PTPRR: variants seen among roughly 807,000 people sequenced by gnomAD.
The protein encoded by PTPRR is protein tyrosine phosphatase receptor type R.
In PTPRR, 38 loss-of-function variants were observed where a neutral mutation model predicts 77.2. That is an observed-to-expected ratio of 0.49 (90% CI 0.38 to 0.65). The LOEUF (loss-of-function observed/expected upper bound fraction) is 0.65. Among genes scored for constraint, PTPRR ranks in the 30% least tolerant of loss-of-function variants. PTPRR has a pLI of 0.00. For missense variants in PTPRR, 744 were observed against 799.2 expected (o/e 0.93, Z 0.83); for synonymous variants, 299 against 283.1 (o/e 1.06, Z -0.57).
At chr12:70,654,621 G>A (rs1236988657) in intron 13 of PTPRR, among the ~76,000 whole-genome samples, 2 of 152,190 alleles carry the variant, frequency 1.3e-5, no homozygotes, top group African/African-American at 2.4e-5. Context: ...ATCAATGCCT[G>A]TGTCCCTCTT....
chr12:70,843,404 G>A (rs1406229412), intron 2 of PTPRR, among the ~76,000 whole-genome samples: 1 of 152,098 alleles, frequency 6.6e-6, no homozygotes, highest in Non-Finnish European at 1.5e-5. Context: ...TATTTATTGT[G>A]TGCTAAGGCT....
intron 6 of PTPRR, among the ~76,000 whole-genome samples, chr12:70,708,965 A>G (rs1277459490): frequency 1.3e-5 from 2 of 152,004 alleles, no homozygotes; most frequent in Non-Finnish European, 2.9e-5. Flanking sequence ...ATTTATTTGT[A>G]AGGCCAGAAA....
intron 8 of PTPRR, among the ~76,000 whole-genome samples, chr12:70,691,735 C>T (rs907438243): frequency 3.3e-5 from 5 of 152,110 alleles, no homozygotes; most frequent in African/African-American, 1.2e-4. Context: ...TGAATGTTAG[C>T]ATATTCTGCC....
intron 2 of PTPRR, among the ~76,000 whole-genome samples, chr12:70,776,555 T>C (rs1434842017): frequency 6.6e-6 from 1 of 152,168 alleles, no homozygotes; most frequent in Non-Finnish European, 1.5e-5. Context: ...CCTTCCAGTC[T>C]TAACCTCTTA....
intron 2 of PTPRR, among the ~76,000 whole-genome samples, chr12:70,806,764 A>G (rs1268116049): frequency 6.6e-6 from 1 of 152,176 alleles, no homozygotes; most frequent in Non-Finnish European, 1.5e-5. Context: ...TACTTATCCC[A>G]AAATCCCCAA....
intron 2 of PTPRR, among the ~76,000 whole-genome samples, chr12:70,889,458 C>G (rs1420397609): frequency 6.6e-6 from 1 of 152,134 alleles, no homozygotes; most frequent in East Asian, 1.9e-4. Context: ...TAATTAAAAC[C>G]CATAGCTATC....
intron 2 of PTPRR, among the ~76,000 whole-genome samples, chr12:70,771,712 A>C (rs1424042168): frequency 6.6e-6 from 1 of 152,138 alleles, no homozygotes; most frequent in Admixed American, 6.5e-5. Flanking sequence ...ATCTGTGGCC[A>C]AGTGTATTTC....
At chr12:70,908,422 C>A (rs1365392933) in intron 1 of PTPRR, among the ~76,000 whole-genome samples, 1 of 152,084 alleles carries the variant, frequency 6.6e-6, no homozygotes, top group African/African-American at 2.4e-5. Flanking sequence ...AACTTACAAT[C>A]GGCAGAAGGG....
intron 13 of PTPRR, among the ~76,000 whole-genome samples, chr12:70,646,726 T>A (rs796546919): frequency 4.6e-5 from 7 of 152,272 alleles, no homozygotes; most frequent in African/African-American, 1.7e-4. Context: ...TCAAATGAGA[T>A]CTTTGAAGTT....
chr12:70,703,094 A>G (rs1004833061), intron 6 of PTPRR, among the ~76,000 whole-genome samples: 1 of 151,670 alleles, frequency 6.6e-6, no homozygotes, highest in African/African-American at 2.4e-5. Context: ...GTCTTCCACA[A>G]TAATTATGCT....
chr12:70,904,209 A>G (rs903997391), intron 1 of PTPRR, among the ~76,000 whole-genome samples: 2 of 123,716 alleles, frequency 1.6e-5, no homozygotes, highest in Admixed American at 8.0e-5. Context: ...TCACTTCTAC[A>G]TTCTTACCCC....
intron 6 of PTPRR, among the ~76,000 whole-genome samples, chr12:70,732,125 C>T (rs539219377): frequency 1.3e-5 from 2 of 152,260 alleles, no homozygotes; most frequent in South Asian, 2.1e-4. Flanking sequence ...TATATTCCTT[C>T]AGGCAAAGTG....
intron 1 of PTPRR, among the ~76,000 whole-genome samples, chr12:70,903,126 T>C (rs1383722736): frequency 6.6e-6 from 1 of 151,624 alleles, no homozygotes; most frequent in East Asian, 1.9e-4. Context: ...AATGAGGAGT[T>C]GTTGGTTAAA....
At chr12:70,788,972 T>A in intron 2 of PTPRR, 4 of 1,158,326 alleles carry the variant, frequency 3.5e-6, no homozygotes, top group Non-Finnish European at 4.6e-6. Flanking sequence ...GGTAACCGCC[T>A]GGTACTGTTT....
intron 10 of PTPRR, among the ~76,000 whole-genome samples, chr12:70,673,233 T>C (rs1432076735): frequency 6.6e-6 from 1 of 152,112 alleles, no homozygotes; most frequent in African/African-American, 2.4e-5. Context: ...CTAGGAAATG[T>C]CTTCTGCCTA....
intron 2 of PTPRR, among the ~76,000 whole-genome samples, chr12:70,887,200 A>G (rs1244005710): frequency 6.6e-6 from 1 of 151,940 alleles, no homozygotes; most frequent in African/African-American, 2.4e-5. Context: ...CTGTAATCCC[A>G]GCACTTTGGG....
intron 2 of PTPRR, among the ~76,000 whole-genome samples, chr12:70,777,339 T>C (rs12830311): frequency 2.6e-5 from 4 of 152,064 alleles, no homozygotes; most frequent in African/African-American, 9.7e-5. Context: ...TGCTATATTG[T>C]CTGTTTTTAG....
Position 70,761,457 on chromosome 12 carries a change from G to T in PTPRR, c.627+14C>A, listed in dbSNP as rs761054953. On this transcript the variant is annotated intron_variant, in intron 4 of 13. Coordinates refer to ENST00000283228, the MANE Select transcript of PTPRR (RefSeq NM_002849.4). ...TTCACATTTTTAAATGAATTGTTTC[G>T]TGCAACAACATACCTCAGGAGAGAC... 1.4e-5 allele frequency: 22 copies of T among 1,556,154 alleles called. No homozygotes were observed. Among genetic ancestry groups the T allele is most frequent in the Non-Finnish European group, 8.7e-6 (10 of 1,149,644 alleles).
chr12:70,651,283 C>T (rs866498623), intron 13 of PTPRR, among the ~76,000 whole-genome samples: 2 of 152,216 alleles, frequency 1.3e-5, no homozygotes, highest in African/African-American at 4.8e-5. Flanking sequence ...AAGAACAGAT[C>T]ACTTCGTTTA....
Sources: gnomAD v4.1 joint callset for allele counts (sites outside exome capture counted in the v4.1 genomes callset) on GRCh38, gnomAD v4.1.1 for gene constraint, MANE v1.5 for transcripts, NCBI Gene and HGNC (gene_info 2026-07-23, HGNC 2026-07-21) for gene names.